Variants in OR2L13 observed in about 807,000 individuals in gnomAD.
OR2L13 encodes the protein olfactory receptor family 2 subfamily L member 13, also known as olfactory receptor 2L13.
A neutral mutation model predicts 15.3 loss-of-function variants in OR2L13; 14 were observed. The observed-to-expected ratio is 0.91, with a 90% CI of 0.60 to 1.43. The LOEUF is 1.43. OR2L13 is among the 40% of genes most tolerant of loss of function. OR2L13 has a pLI of 0.00. For synonymous variants in OR2L13, 152 were observed against 142.9 expected (o/e 1.06, Z -0.45); for missense variants, 367 against 387.9 (o/e 0.95, Z 0.45).
chr1:247,958,006 C>A, the OR2L13 span, among the ~76,000 whole-genome samples: 1 of 151,950 alleles, frequency 6.6e-6, no homozygotes, highest in Non-Finnish European at 1.5e-5. Context: ...TTTGCTCTTG[C>A]TTCTCTAGTT....
chr1:247,966,944 T>A, the OR2L13 span, among the ~76,000 whole-genome samples: 1 of 152,096 alleles, frequency 6.6e-6, no homozygotes, highest in African/African-American at 2.4e-5. Flanking sequence ...CAGGTGGCAG[T>A]AGAAAAGAGA....
At chr1:248,016,423 G>T in the OR2L13 span, among the ~76,000 whole-genome samples, 1 of 152,084 alleles carries the variant, frequency 6.6e-6, no homozygotes, top group South Asian at 2.1e-4. Context: ...AAATATGTAT[G>T]ATTGTTGCCT....
At chr1:248,064,342 CG>C in the OR2L13 span, among the ~76,000 whole-genome samples, 1 of 152,046 alleles carries the variant, frequency 6.6e-6, no homozygotes, top group Non-Finnish European at 1.5e-5. Flanking sequence ...TCTAGGGTGT[CG>C]TAGAAGCCAT....
the OR2L13 span, among the ~76,000 whole-genome samples, chr1:248,068,159 G>T: frequency 5.9e-5 from 9 of 152,210 alleles, no homozygotes; most frequent in Non-Finnish European, 1.0e-4. Context: ...CTCCCAGCAC[G>T]CAGCTGGAGA....
At chr1:248,062,704 T>A in the OR2L13 span, 1 of 152,172 alleles carries the variant, frequency 6.6e-6, no homozygotes, top group Non-Finnish European at 1.5e-5. Context: ...GAATTTATTG[T>A]ATGTATTAAA....
At chr1:247,976,978 A>G in the OR2L13 span, among the ~76,000 whole-genome samples, 4,294 of 152,326 alleles carry the variant, frequency 0.028, 170 homozygotes, top group African/African-American at 0.098. Context: ...GGTATCATCT[A>G]CATGAGGAAG....
chr1:248,044,417 G>A, the OR2L13 span, among the ~76,000 whole-genome samples: 2 of 152,132 alleles, frequency 1.3e-5, no homozygotes, highest in African/African-American at 4.8e-5. Flanking sequence ...AGGATGCAGC[G>A]TCTTCATCTC....
At chr1:248,078,639 C>T in the OR2L13 span, among the ~76,000 whole-genome samples, 1 of 152,114 alleles carries the variant, frequency 6.6e-6, no homozygotes, top group Non-Finnish European at 1.5e-5. Context: ...GAAATAAAAA[C>T]TTACAGTCAT....
the OR2L13 span, chr1:248,084,496 A>G: frequency 1.2e-6 from 2 of 1,613,318 alleles, no homozygotes; most frequent in African/African-American, 1.3e-5. Flanking sequence ...CAGGGAGGTC[A>G]AAACGATACT....
At chr1:247,987,975 A>C in the OR2L13 span, among the ~76,000 whole-genome samples, 61 of 152,208 alleles carry the variant, frequency 4.0e-4, no homozygotes, top group African/African-American at 1.3e-3. Flanking sequence ...TATTACTACT[A>C]TTTCTCTCAA....
the OR2L13 span, among the ~76,000 whole-genome samples, chr1:248,042,667 A>G: frequency 6.6e-6 from 1 of 152,186 alleles, no homozygotes; most frequent in Non-Finnish European, 1.5e-5. Flanking sequence ...GAGACAATCT[A>G]GCAACTGCAA....
At chr1:247,991,961 G>A in the OR2L13 span, among the ~76,000 whole-genome samples, 848 of 149,514 alleles carry the variant, frequency 5.7e-3, 51 homozygotes, top group Admixed American at 0.014. Context: ...GAAAAGCCCC[G>A]AATTATCCAA....
the OR2L13 span, among the ~76,000 whole-genome samples, chr1:248,065,097 G>T: frequency 6.6e-6 from 1 of 152,160 alleles, no homozygotes; most frequent in Non-Finnish European, 1.5e-5. Flanking sequence ...TTGAAAGTTG[G>T]ACAATAATTC....
chr1:248,052,593 T>C, the OR2L13 span, among the ~76,000 whole-genome samples: 3 of 152,062 alleles, frequency 2.0e-5, no homozygotes, highest in Admixed American at 6.6e-5. Flanking sequence ...TAGCTGGGCG[T>C]GGTGGCGGGC....
chr1:248,043,721 A>G, the OR2L13 span, among the ~76,000 whole-genome samples: 1 of 152,148 alleles, frequency 6.6e-6, no homozygotes, highest in Non-Finnish European at 1.5e-5. Context: ...AAGTTTATTA[A>G]GAAGGCAAAG....
chr1:248,099,173 A>G (rs1250919696), intron 2 of OR2L13, among the ~76,000 whole-genome samples, 185 bp from the exon 3 acceptor site: 1 of 152,202 alleles, frequency 6.6e-6, no homozygotes, highest in East Asian at 1.9e-4. Flanking sequence ...AAGAACAGAA[A>G]GTGAATATCC....
At chr1:248,099,909 C>T (rs376495662) in exon 3 of OR2L13, 13 of 1,613,972 alleles carry the variant, frequency 8.1e-6, no homozygotes, top group Middle Eastern at 1.6e-4. Flanking sequence ...ATTTCTTCTG[C>T]GATGTCCCAG....
At chr1:247,956,903 G>T in the OR2L13 span, among the ~76,000 whole-genome samples, 1 of 152,118 alleles carries the variant, frequency 6.6e-6, no homozygotes, top group African/African-American at 2.4e-5. Flanking sequence ...GGGACAATTT[G>T]ACTTCCTCTT....
the OR2L13 span, among the ~76,000 whole-genome samples, chr1:248,069,572 A>T: frequency 1.3e-5 from 2 of 152,218 alleles, no homozygotes; most frequent in Non-Finnish European, 2.9e-5. Context: ...TCAACTGTCG[A>T]GCAAAATAAC....
Sources: gnomAD v4.1 joint callset for allele counts (sites outside exome capture counted in the v4.1 genomes callset) on GRCh38, gnomAD v4.1.1 for gene constraint, MANE v1.5 for transcripts, NCBI Gene and HGNC (gene_info 2026-07-23, HGNC 2026-07-21) for gene names.